The following TCL1A variants were observed in gnomAD, a reference collection of about 807,000 sequenced individuals.
TCL1A encodes the protein TCL1 family AKT coactivator A, also known as T-cell leukemia/lymphoma protein 1A.
TCL1A carries 9 observed loss-of-function variants against 16.9 expected under a neutral mutation model. That is an observed-to-expected ratio of 0.53 (90% CI 0.32 to 0.93). TCL1A has a LOEUF of 0.93. Ranked by LOEUF, TCL1A falls within the 40% of genes least tolerant of loss-of-function variation. The pLI, the probability that TCL1A is intolerant of heterozygous loss-of-function variation, is 0.04. For synonymous variants in TCL1A, 69 were observed against 63.2 expected, an observed-to-expected ratio of 1.09 and a Z score of -0.44; for missense variants, 139 against 153.0, an observed-to-expected ratio of 0.91 and a Z score of 0.48.
In TCL1A at chr14:95,711,762, T is replaced by C. The variant is rs1362601643; in HGVS notation, c.338A>G (p.Asp113Gly). The C allele has an allele frequency of 6.2e-7, 1 of 1,613,282 alleles. No individual in the cohort carries two copies. The highest frequency in any genetic ancestry group is 8.5e-7 in the Non-Finnish European group (1 of 1,179,974). The change falls in exon 3 of 4, where the codon GAT (aspartate) becomes GGT (glycine). Residue 113 changes from aspartate to glycine, a missense_variant. By Grantham distance (94) the Asp-to-Gly change is moderately conservative. This residue lies in a region of TCL1A where 45 missense variants were observed against 72.8 expected (regional missense o/e 0.62). Coordinates refer to ENST00000402399, the MANE Select transcript of TCL1A (RefSeq NM_021966.3). ...AGTGGAGCTCACCATACATCAGTCA[T>C]CTGGCAGCAGCTCGAGAAGCATGTC... ...VEDMLLELLP[D>G]D is the part of the protein sequence containing the mutation.
Position 95,710,192 on chromosome 14 carries a change from CA to C in TCL1A, c.*695del, listed in dbSNP as rs1182487298. On this transcript the variant is annotated 3_prime_UTR_variant, in exon 4 of 4. Transcript: ENST00000402399. ...CTATCCCTTTTCCACGTGGGCAAGC[CA>C]AGGGTTCTGAGGGCTCATCCACAGG... is the stretch of plus-strand genomic sequence containing the variant. The C allele has an allele frequency of 6.6e-6, 1 of 152,240 alleles. No individual in the cohort carries two copies. The highest frequency in any genetic ancestry group is 2.4e-5 in the African/African-American group (1 of 41,430). 9.4% of individuals were successfully genotyped at this position (152,240 alleles called of 1,614,324 possible).
chr14:95,712,583 TCTGG>T, intron 1 of TCL1A, 187 bp from the exon 2 acceptor site: 1 of 1,482,440 alleles, frequency 6.7e-7, no homozygotes, highest in Non-Finnish European at 8.9e-7. Flanking sequence ...TCTCAGGGAC[TCTGG>T]CTGGGCCAGG....
intron 3 of TCL1A, 76 bp downstream of exon 3, chr14:95,711,673 T>A (rs1224386134): frequency 6.5e-7 from 1 of 1,548,782 alleles, no homozygotes; most frequent in Admixed American, 1.9e-5. Flanking sequence ...AGCACTGCCT[T>A]CATGGAGAAG....
In TCL1A at chr14:95,710,102, A is replaced by G. The variant is rs993776083; in HGVS notation, c.*786T>C. On this transcript the variant is annotated 3_prime_UTR_variant, in exon 4 of 4. Coordinates refer to ENST00000402399, the MANE Select transcript of TCL1A (RefSeq NM_021966.3). Reference sequence around the variant, plus strand: ...TAATCAATCATTACAAAAAGTATTCATGCCACATACAACTTTGTAACACCC... The same window carrying G: ...TAATCAATCATTACAAAAAGTATTCGTGCCACATACAACTTTGTAACACCC... 1 of 152,240 alleles carries G rather than the reference A, an allele frequency of 6.6e-6. No homozygotes were observed. The highest frequency in any genetic ancestry group is 1.5e-5 in the Non-Finnish European group (1 of 68,042). The allele number at this position is 152,240 out of a possible 1,614,324, so 9.4% of individuals were successfully genotyped here.
chr14:95,712,521 T>G, intron 1 of TCL1A, 125 bp from the exon 2 acceptor site: 1 of 1,487,994 alleles, frequency 6.7e-7, no homozygotes. Flanking sequence ...GAGTGTGAAA[T>G]GATGGTCATC....
chr14:95,713,456 C>A (rs1886436243), intron 1 of TCL1A, among the ~76,000 whole-genome samples: 1 of 152,194 alleles, frequency 6.6e-6, no homozygotes, highest in Admixed American at 6.5e-5. Flanking sequence ...TATACTACGA[C>A]ATCACTTGTT....
chr14:95,713,699 T>C (rs145593726), intron 1 of TCL1A, among the ~76,000 whole-genome samples: 4 of 152,286 alleles, frequency 2.6e-5, no homozygotes, highest in Non-Finnish European at 4.4e-5. Flanking sequence ...GTAGTCAACA[T>C]TATAGTCACA....
intron 1 of TCL1A, among the ~76,000 whole-genome samples, chr14:95,712,948 G>T (rs2139721707): frequency 6.6e-6 from 1 of 152,204 alleles, no homozygotes; most frequent in East Asian, 1.9e-4. Context: ...TCACGTTGAA[G>T]AAGAGATTTC....
Position 95,713,967 on chromosome 14 carries a change from A to C in TCL1A, c.100T>G (p.Trp34Gly). Residue 34 changes from tryptophan (W) to glycine (G), a missense_variant, in exon 1 of 4, where the codon TGG becomes GGG. Physicochemically the swap from Trp to Gly is radical, Grantham distance 184. Around this residue, in one of 2 missense-constraint regions of TCL1A, gnomAD observed 94 missense variants for 80.2 expected, o/e 1.17. Coordinates refer to ENST00000402399, the MANE Select transcript of TCL1A (RefSeq NM_021966.3). ...FVYLDEKQHA[W>G]LPLTIEIKDR... ...TGTACCTCGATGGTTAAGGGCAGCC[A>C]GGCGTGCTGCTTCTCGTCCAAATAC... The C allele has an allele frequency of 6.2e-7, 1 of 1,614,032 alleles. No homozygotes were observed. Among genetic ancestry groups the C allele is most frequent in the African/African-American group, 1.3e-5 (1 of 75,064 alleles).
chr14:95,713,404 A>G (rs1886432278), intron 1 of TCL1A, among the ~76,000 whole-genome samples: 1 of 152,242 alleles, frequency 6.6e-6, no homozygotes, highest in African/African-American at 2.4e-5. Flanking sequence ...ATCTTAAGGC[A>G]TCACACATTA....
rs1443640244 is a variant in TCL1A at position 95,710,023 on chromosome 14, T to G, written c.*865A>C. 6.6e-6 allele frequency: 1 copy of G among 152,198 alleles called. No homozygotes were observed. The highest frequency in any genetic ancestry group is 1.5e-5 in the Non-Finnish European group (1 of 68,036). 9.4% of individuals were successfully genotyped at this position (152,198 alleles called of 1,614,324 possible). ...ATTCTCACTTCTCTCCACCAGAATC[T>G]AAGTCAAGGATAGAAGCTGATTCCG... On this transcript the variant is annotated 3_prime_UTR_variant, in exon 4 of 4. Coordinates refer to ENST00000402399, the MANE Select transcript of TCL1A (RefSeq NM_021966.3).
chr14:95,711,997 G>T, intron 2 of TCL1A, 195 bp from the exon 3 acceptor site: 1 of 864,356 alleles, frequency 1.2e-6, no homozygotes, highest in Non-Finnish European at 1.8e-6. Flanking sequence ...GTCTTCCTGC[G>T]GCTAGCTGGT....
chr14:95,713,154 G>A (rs1020600212), intron 1 of TCL1A, among the ~76,000 whole-genome samples: 2 of 152,118 alleles, frequency 1.3e-5, no homozygotes, highest in Non-Finnish European at 2.9e-5. Context: ...ATCTTACCTC[G>A]GACAAATGTA....
chr14:95,713,338 A>G (rs2139722461), intron 1 of TCL1A, among the ~76,000 whole-genome samples: 1 of 152,370 alleles, frequency 6.6e-6, no homozygotes, highest in African/African-American at 2.4e-5. Context: ...AAATCCAAAT[A>G]CTTGTAAAAG....
chr14:95,713,369 A>G (rs2139722540), intron 1 of TCL1A, among the ~76,000 whole-genome samples: 2 of 152,378 alleles, frequency 1.3e-5, no homozygotes, highest in Middle Eastern at 3.4e-3. Flanking sequence ...TTCTTTAACA[A>G]AAACTTAACA....
In TCL1A at chr14:95,714,022, C is replaced by T; in HGVS notation, c.45G>A (p.Pro15=). 5 of 1,614,132 alleles carry T rather than the reference C, an allele frequency of 3.1e-6. No homozygotes were observed. Among genetic ancestry groups the T allele is most frequent in the South Asian group, 1.1e-5 (1 of 91,082 alleles). The change falls in exon 1 of 4, where the codon CCG becomes CCA. Residue 15 remains proline (P), a synonymous_variant. Transcript: ENST00000402399. ...ACTTCTCCCAGGCCCACAGGCGGTC[C>T]GGGTGGTCGGTGACTGCCTCCCCGA... ...PTLGEAVTDH[P]DRLWAWEKFV...
chr14:95,712,470 A>G (rs1886384711), intron 1 of TCL1A, 74 bp from the exon 2 acceptor site: 1 of 1,535,454 alleles, frequency 6.5e-7, no homozygotes, highest in African/African-American at 1.4e-5. Flanking sequence ...AGAAAACCGG[A>G]ATCCCTCCTG....
In TCL1A at chr14:95,712,022, G is replaced by A. The variant is rs1385701633; in HGVS notation, c.297+198C>T. The A allele has an allele frequency of 1.0e-5, 9 of 865,450 alleles. No individual in the cohort carries two copies. The African/African-American group carries it at 1.4e-4, about 13-fold the overall frequency. The allele number at this position is 865,450 out of a possible 1,614,324, so 53.6% of individuals were successfully genotyped here. A position where few individuals can be genotyped will look rare whatever the true frequency, so the allele number is the denominator to read the frequency against. ...GGCTAGCTGGTGGCTGGGAGGAAGT[G>A]GAGGTAGGGTTCTGTTAGAGACCTC... On this transcript the variant is annotated intron_variant, in intron 2 of 3. Coordinates refer to ENST00000402399, the MANE Select transcript of TCL1A (RefSeq NM_021966.3).
At chr14:95,713,688 T>A (rs546816096) in intron 1 of TCL1A, among the ~76,000 whole-genome samples, 3 of 152,344 alleles carry the variant, frequency 2.0e-5, no homozygotes, top group South Asian at 2.1e-4. Context: ...AAATGCCTGC[T>A]GTAGTCAACA....
Sources: allele counts gnomAD v4.1 joint callset (sites outside exome capture counted in the v4.1 genomes callset), GRCh38; gene constraint gnomAD v4.1.1; regional missense constraint gnomAD v4.1.1; transcripts MANE v1.5; gene names NCBI Gene and HGNC (gene_info 2026-07-23, HGNC 2026-07-21).